Variants in CIB4 observed in about 807,000 individuals in gnomAD.
CIB4 encodes the protein calcium and integrin binding family member 4.
Under a neutral mutation model 25.8 loss-of-function variants are expected in CIB4, and 25 were observed. That is an observed-to-expected ratio of 0.97 (90% CI 0.71 to 1.35). The LOEUF is 1.35. Among genes scored for constraint, CIB4 ranks in the 40% most tolerant of loss-of-function variants. CIB4 has a pLI of 0.00. For synonymous variants in CIB4, 75 were observed against 81.4 expected, an observed-to-expected ratio of 0.92 and a Z score of 0.42; for missense variants, 235 against 228.2, an observed-to-expected ratio of 1.03 and a Z score of -0.19.
At chr2:26,620,365 C>A (rs1265526533) in intron 3 of CIB4, among the ~76,000 whole-genome samples, 1 of 152,236 alleles carries the variant, frequency 6.6e-6, no homozygotes, top group Non-Finnish European at 1.5e-5. Context: ...GAGTTCTAGA[C>A]ACCCCCACCC....
intron 2 of CIB4, among the ~76,000 whole-genome samples, chr2:26,632,320 C>T (rs940442216): frequency 1.3e-5 from 2 of 152,122 alleles, no homozygotes; most frequent in African/African-American, 4.8e-5. Context: ...AGACTGCACA[C>T]GTTTGGGAGG....
intron 4 of CIB4, among the ~76,000 whole-genome samples, chr2:26,591,715 T>C (rs1445152686): frequency 6.6e-6 from 1 of 152,242 alleles, no homozygotes; most frequent in Non-Finnish European, 1.5e-5. Flanking sequence ...ACCATCACGC[T>C]GTCTTTTATG....
intron 4 of CIB4, among the ~76,000 whole-genome samples, chr2:26,585,258 G>A (rs980707246): frequency 6.6e-6 from 1 of 151,246 alleles, no homozygotes; most frequent in Non-Finnish European, 1.5e-5. Flanking sequence ...CGGCGGCAGA[G>A]ATGGAGCCAC....
chr2:26,581,612 C>A (rs1463462212), intron 6 of CIB4, among the ~76,000 whole-genome samples: 1 of 152,212 alleles, frequency 6.6e-6, no homozygotes, highest in African/African-American at 2.4e-5. Flanking sequence ...CAGAAGGAAC[C>A]TTGTGGTGCT....
chr2:26,598,894 C>T lies in CIB4; in HGVS notation c.187-3577G>A, dbSNP rs570323748. Among the ~76,000 whole-genome samples the T allele has an allele frequency of 9.9e-5, 15 of 152,252 alleles. No homozygotes were observed. In the South Asian group the frequency reaches 1.2e-3, roughly 13 times the overall value. ...ATCCTGAGCTAAAGGCCAGCTCAGC[C>T]GGTGTCCTCGGATCTGGTTCAGTCC... is the stretch of plus-strand genomic sequence containing the variant. On this transcript the variant is annotated intron_variant, in intron 3 of 6. Transcript: ENST00000288861.
chr2:26,624,210 T>C (rs891420023), intron 3 of CIB4, among the ~76,000 whole-genome samples: 3 of 152,190 alleles, frequency 2.0e-5, no homozygotes, highest in African/African-American at 7.2e-5. Flanking sequence ...AGCCAAGTTA[T>C]ATCAGTACCC....
chr2:26,585,836 C>G (rs770916657), intron 4 of CIB4, among the ~76,000 whole-genome samples: 43 of 152,208 alleles, frequency 2.8e-4, no homozygotes, highest in Middle Eastern at 3.4e-3. Flanking sequence ...TCATATGCTA[C>G]CTGTCCAAGC....
intron 3 of CIB4, among the ~76,000 whole-genome samples, chr2:26,602,876 A>G (rs1279704758): frequency 6.6e-6 from 1 of 152,196 alleles, no homozygotes; most frequent in Non-Finnish European, 1.5e-5. Context: ...CCTAAGCAAC[A>G]TAGTGAGATC....
intron 4 of CIB4, among the ~76,000 whole-genome samples, chr2:26,593,338 G>GTA (rs1053065590): frequency 1.3e-5 from 2 of 150,286 alleles, no homozygotes; most frequent in South Asian, 2.1e-4. Context: ...GTGTGTGTGT[G>GTA]TATATATACA....
At chr2:26,624,054 C>T (rs1669254865) in intron 3 of CIB4, among the ~76,000 whole-genome samples, 1 of 152,228 alleles carries the variant, frequency 6.6e-6, no homozygotes, top group Non-Finnish European at 1.5e-5. Flanking sequence ...TTTTGGTCAG[C>T]AGGCTTTTCC....
chr2:26,606,576 T>C (rs552752404), intron 3 of CIB4, among the ~76,000 whole-genome samples: 1 of 152,244 alleles, frequency 6.6e-6, no homozygotes, highest in South Asian at 2.1e-4. Context: ...GGGGTTTAAC[T>C]TGGACTCTGA....
intron 3 of CIB4, among the ~76,000 whole-genome samples, chr2:26,614,477 C>T (rs777922330): frequency 7.9e-5 from 12 of 152,176 alleles, no homozygotes; most frequent in Non-Finnish European, 1.2e-4. Flanking sequence ...GGAGGAGGCT[C>T]CTCCTCTGGA....
chr2:26,599,713 C>A (rs187482310), intron 3 of CIB4, among the ~76,000 whole-genome samples: 1 of 152,140 alleles, frequency 6.6e-6, no homozygotes, highest in African/African-American at 2.4e-5. Context: ...ATTTAGACTT[C>A]ATTTAGTGTT....
intron 3 of CIB4, among the ~76,000 whole-genome samples, chr2:26,617,636 G>A (rs1669119034): frequency 1.3e-5 from 2 of 152,172 alleles, no homozygotes; most frequent in Admixed American, 1.3e-4. Flanking sequence ...AACAAGCCAG[G>A]GAGACTATCT....
At chr2:26,622,766 T>C (rs1244809131) in intron 3 of CIB4, among the ~76,000 whole-genome samples, 1 of 152,110 alleles carries the variant, frequency 6.6e-6, no homozygotes, top group Non-Finnish European at 1.5e-5. Flanking sequence ...GCAGATCACT[T>C]GAGGTCAGGA....
At chr2:26,610,105 C>A (rs962293207) in intron 3 of CIB4, among the ~76,000 whole-genome samples, 1 of 152,220 alleles carries the variant, frequency 6.6e-6, no homozygotes, top group African/African-American at 2.4e-5. Flanking sequence ...TTACAAGCAG[C>A]CTTCCTGTTT....
intron 3 of CIB4, among the ~76,000 whole-genome samples, chr2:26,601,030 G>A (rs960074546): frequency 1.2e-4 from 18 of 151,680 alleles, no homozygotes; most frequent in African/African-American, 3.9e-4. Context: ...GACCAGACTA[G>A]GCAACATAAT....
intron 2 of CIB4, 70 bp downstream of exon 2, chr2:26,640,463 G>C (rs1432556046): frequency 6.6e-7 from 1 of 1,519,484 alleles, no homozygotes; most frequent in African/African-American, 1.4e-5. Context: ...GCGTGAGGCT[G>C]TATTAGGGCA....
At chr2:26,608,773 C>T (rs1462386680) in intron 3 of CIB4, among the ~76,000 whole-genome samples, 2 of 152,148 alleles carry the variant, frequency 1.3e-5, no homozygotes, top group Non-Finnish European at 2.9e-5. Context: ...ACCAAGCCTT[C>T]TTTCTCTCCC....
Sources: allele counts gnomAD v4.1 joint callset (sites outside exome capture counted in the v4.1 genomes callset), GRCh38; gene constraint gnomAD v4.1.1; transcripts MANE v1.5; gene names NCBI Gene and HGNC (gene_info 2026-07-23, HGNC 2026-07-21).